Variants in AGBL1 observed in about 807,000 individuals in gnomAD.
AGBL1 encodes the protein AGBL carboxypeptidase 1, also known as cytosolic carboxypeptidase 4.
Under a neutral mutation model 118.9 loss-of-function variants are expected in AGBL1, and 130 were observed. The ratio of observed to expected loss-of-function variants is 1.09; its 90% CI spans 0.95 to 1.26. The LOEUF (loss-of-function observed/expected upper bound fraction) is 1.26, where lower values mean the gene tolerates loss of function less well. AGBL1 is among the 50% of genes most tolerant of loss of function. The pLI, the probability that AGBL1 is intolerant of heterozygous loss-of-function variation, is 0.00. For missense variants in AGBL1, 1,584 were observed against 1,298.1 expected (o/e 1.22, Z -3.38); for synonymous variants, 555 against 478.9 (o/e 1.16, Z -2.08).
chr15:86,676,230 G>A (rs1341763666), intron 22 of AGBL1, among the ~76,000 whole-genome samples: 1 of 152,118 alleles, frequency 6.6e-6, no homozygotes, highest in Non-Finnish European at 1.5e-5. Flanking sequence ...CAGGCATGGA[G>A]TTTGGTGTAG....
At chr15:86,194,173 C>T (rs1381348166) in intron 5 of AGBL1, among the ~76,000 whole-genome samples, 1 of 152,244 alleles carries the variant, frequency 6.6e-6, no homozygotes, top group East Asian at 1.9e-4. Context: ...AGTACATCTG[C>T]ACTTTCTCAG....
chr15:86,900,551 G>A (rs909563609), intron 22 of AGBL1, among the ~76,000 whole-genome samples: 3 of 151,956 alleles, frequency 2.0e-5, no homozygotes, highest in Non-Finnish European at 4.4e-5. Context: ...TGAGGTTAAG[G>A]CCAATTTCTA....
chr15:86,410,852 T>TA (rs1490334250), intron 18 of AGBL1, among the ~76,000 whole-genome samples: 7 of 103,966 alleles, frequency 6.7e-5, no homozygotes, highest in Non-Finnish European at 1.1e-4. Context: ...AATATACTAT[T>TA]TTATATATAA....
intron 21 of AGBL1, among the ~76,000 whole-genome samples, chr15:86,649,497 CAG>C (rs1405599504): frequency 1.3e-5 from 2 of 152,112 alleles, no homozygotes; most frequent in African/African-American, 4.8e-5. Context: ...GCCCAATCAG[CAG>C]AGTGATGTGT....
chr15:86,413,154 C>T lies in AGBL1; in HGVS notation c.2555+15608C>T, dbSNP rs370655680. On this transcript the variant is annotated intron_variant, in intron 18 of 22. Transcript: ENST00000614907. ...AAAGACATCTTACATTTCAACAAAC[C>T]GGCCCCACCCTTTCTTTATAGAAGA... Among the ~76,000 whole-genome samples the T allele has an allele frequency of 1.8e-3, 277 of 152,078 alleles. 2 individuals are homozygous for T. The highest frequency in any genetic ancestry group is 6.5e-3 in the African/African-American group (270 of 41,492).
intron 18 of AGBL1, among the ~76,000 whole-genome samples, chr15:86,485,787 AT>A (rs2082704935): frequency 6.6e-6 from 1 of 152,132 alleles, no homozygotes; most frequent in Non-Finnish European, 1.5e-5. Flanking sequence ...TTGCAGAGGT[AT>A]TCATTCAAAA....
At chr15:86,332,955 T>C (rs1168548124) in intron 17 of AGBL1, among the ~76,000 whole-genome samples, 1 of 152,060 alleles carries the variant, frequency 6.6e-6, no homozygotes, top group Admixed American at 6.6e-5. Context: ...GAGTAAACAA[T>C]GAAATTAAGG....
intron 16 of AGBL1, among the ~76,000 whole-genome samples, chr15:86,293,122 T>C (rs1292442527): frequency 6.6e-6 from 1 of 152,262 alleles, no homozygotes; most frequent in African/African-American, 2.4e-5. Context: ...GGTTTTAGTC[T>C]ATTCCTATTC....
At chr15:86,436,588 T>C (rs897154531) in intron 18 of AGBL1, among the ~76,000 whole-genome samples, 24 of 152,140 alleles carry the variant, frequency 1.6e-4, no homozygotes, top group African/African-American at 5.6e-4. Flanking sequence ...GTGCTAAGCA[T>C]TGTAAATAGA....
At chr15:86,766,807 C>G (rs1282675200) in intron 22 of AGBL1, among the ~76,000 whole-genome samples, 1 of 151,440 alleles carries the variant, frequency 6.6e-6, no homozygotes, top group East Asian at 2.0e-4. Flanking sequence ...AACAGGGAAA[C>G]AAGAAATAAT....
intron 23 of AGBL1, among the ~76,000 whole-genome samples, chr15:86,986,906 A>T (rs1400854604): frequency 6.6e-6 from 1 of 152,120 alleles, no homozygotes; most frequent in Non-Finnish European, 1.5e-5. Flanking sequence ...AGAGTCAGCC[A>T]AAGGAGATAT....
rs147988027 is a variant in AGBL1, at chr15:86,615,884, A to G, written c.2995-58389A>G. 1.3e-3 allele frequency among the ~76,000 whole-genome samples: 197 copies of G among 152,326 alleles called. No homozygotes were observed. Among genetic ancestry groups the G allele is most frequent in the African/African-American group, 4.7e-3 (195 of 41,574 alleles). ...AGGGATGACAGTGTTGGGGTTATAC[A>G]TACATTGATAGGGGGCATCAATATA... On this transcript the variant is annotated intron_variant, in intron 21 of 22. Transcript: ENST00000614907. The surrounding 1 kb of genome is among the most constrained non-coding windows in gnomAD (Gnocchi z 4.3).
intron 6 of AGBL1, among the ~76,000 whole-genome samples, chr15:86,226,942 G>A (rs1462447632): frequency 1.3e-5 from 2 of 152,200 alleles, no homozygotes; most frequent in Non-Finnish European, 2.9e-5. Context: ...AGAGTCATCT[G>A]TATTGGTTGT....
intron 18 of AGBL1, among the ~76,000 whole-genome samples, chr15:86,510,225 C>T (rs1464758058): frequency 1.3e-5 from 2 of 152,108 alleles, no homozygotes; most frequent in East Asian, 3.9e-4. Context: ...AACACATTGA[C>T]ATCCTCTAAA....
intron 17 of AGBL1, among the ~76,000 whole-genome samples, chr15:86,346,864 A>T (rs879929479): frequency 1.3e-5 from 2 of 152,240 alleles, no homozygotes; most frequent in Non-Finnish European, 2.9e-5. Flanking sequence ...ACAATGTGCC[A>T]TACAGCAAGA....
rs144101740 is a variant in AGBL1, at chr15:86,614,761, AT to A, written c.2995-59506del. Among the ~76,000 whole-genome samples the A allele has an allele frequency of 6.7e-3, 1,027 of 152,294 alleles. 16 individuals are homozygous for A. The highest frequency in any genetic ancestry group is 0.023 in the African/African-American group (953 of 41,570). ...AACTCCAAGTAAGTGCTCAAAAGATATTTTTTCATTTACTTAATGAAGGAAT... is the reference window on the plus strand; with the variant it reads ...AACTCCAAGTAAGTGCTCAAAAGATATTTTTCATTTACTTAATGAAGGAAT... On this transcript the variant is annotated intron_variant, in intron 21 of 22. Transcript: ENST00000614907.
At chr15:86,321,217 C>T (rs937664209) in intron 17 of AGBL1, among the ~76,000 whole-genome samples, 2 of 152,038 alleles carry the variant, frequency 1.3e-5, no homozygotes, top group African/African-American at 4.8e-5. Context: ...GAATTTGCCT[C>T]TATAGTTCTG....
chr15:86,233,634 A>G (rs543864121), intron 6 of AGBL1, among the ~76,000 whole-genome samples: 1 of 152,342 alleles, frequency 6.6e-6, no homozygotes, highest in Admixed American at 6.5e-5. Flanking sequence ...GTTTGAGATT[A>G]CAACTTAAAA....
intron 3 of AGBL1, among the ~76,000 whole-genome samples, chr15:86,146,734 A>G (rs2077038651): frequency 1.3e-5 from 2 of 152,212 alleles, no homozygotes; most frequent in South Asian, 2.1e-4. Flanking sequence ...TCAAGTTGCC[A>G]TGGGCTGACC....
Sources: allele counts gnomAD v4.1 joint callset (sites outside exome capture counted in the v4.1 genomes callset), GRCh38; gene constraint gnomAD v4.1.1; non-coding constraint Gnocchi (gnomAD v3.1); transcripts MANE v1.5; gene names NCBI Gene and HGNC (gene_info 2026-07-23, HGNC 2026-07-21).